MAST4: variants seen among roughly 807,000 people sequenced by gnomAD.
MAST4 encodes the protein microtubule associated serine/threonine kinase family member 4, also known as microtubule-associated serine/threonine-protein kinase 4.
MAST4 carries 89 observed loss-of-function variants against 162.7 expected under a neutral mutation model. The ratio of observed to expected loss-of-function variants is 0.55; its 90% CI spans 0.46 to 0.65. MAST4 has a LOEUF of 0.65. MAST4 is among the 30% of genes least tolerant of loss of function. The probability of loss-of-function intolerance (pLI) is 0.00; values close to 1 mark genes in which losing one functional copy is unlikely to be tolerated. For missense variants in MAST4, 3,153 were observed against 3,374.0 expected (o/e 0.93, Z 1.62); for synonymous variants, 1,479 against 1,361.1 (o/e 1.09, Z -1.91).
intron 4 of MAST4, among the ~76,000 whole-genome samples, chr5:67,032,124 C>T (rs1755410521): frequency 6.6e-6 from 1 of 152,100 alleles, no homozygotes; most frequent in African/African-American, 2.4e-5. Context: ...CTAAATCTTT[C>T]TGTGAATTAT....
At chr5:66,949,265 G>C (rs2150125326) in intron 4 of MAST4, among the ~76,000 whole-genome samples, 1 of 152,200 alleles carries the variant, frequency 6.6e-6, no homozygotes, top group Non-Finnish European at 1.5e-5. Context: ...CAATGATATG[G>C]TTTTGTCCTG....
intron 1 of MAST4, among the ~76,000 whole-genome samples, chr5:66,665,750 A>G (rs1396762099): frequency 7.2e-5 from 11 of 152,236 alleles, no homozygotes; most frequent in Non-Finnish European, 1.3e-4. Context: ...TGGGCAGATT[A>G]TGTAATCCTT....
intron 1 of MAST4, among the ~76,000 whole-genome samples, chr5:66,701,421 G>A (rs1295106749): frequency 6.6e-6 from 1 of 152,168 alleles, no homozygotes; most frequent in African/African-American, 2.4e-5. Context: ...ACAGAGAGGG[G>A]TCTGTAGCTC....
At chr5:66,840,328 G>A (rs1580606131) in intron 3 of MAST4, among the ~76,000 whole-genome samples, 1 of 151,948 alleles carries the variant, frequency 6.6e-6, no homozygotes, top group East Asian at 1.9e-4. Context: ...TAGCATCGTT[G>A]TGAATGAAGG....
At chr5:66,713,562 G>A (rs979977328) in intron 1 of MAST4, among the ~76,000 whole-genome samples, 2 of 152,134 alleles carry the variant, frequency 1.3e-5, no homozygotes, top group African/African-American at 4.8e-5. Context: ...TGAAGTTTGG[G>A]CTTGTTTACC....
intron 2 of MAST4, among the ~76,000 whole-genome samples, chr5:66,784,696 C>T (rs1309208881): frequency 7.2e-5 from 11 of 152,032 alleles, no homozygotes; most frequent in African/African-American, 1.7e-4. Flanking sequence ...ACCCAGTTAC[C>T]GTGTTTTATT....
intron 15 of MAST4, among the ~76,000 whole-genome samples, chr5:67,130,870 CT>C (rs1561694740): frequency 1.3e-5 from 2 of 152,022 alleles, no homozygotes; most frequent in African/African-American, 4.8e-5. Context: ...CGATTTTTAG[CT>C]TTTTTTTCTT....
intron 3 of MAST4, among the ~76,000 whole-genome samples, chr5:66,870,430 C>T (rs997711384): frequency 6.6e-6 from 1 of 152,132 alleles, no homozygotes; most frequent in Non-Finnish European, 1.5e-5. Flanking sequence ...ACTTCATATT[C>T]AGAGAAATCA....
At chr5:66,979,877 A>G (rs1437340093) in intron 4 of MAST4, among the ~76,000 whole-genome samples, 2 of 152,226 alleles carry the variant, frequency 1.3e-5, no homozygotes, top group African/African-American at 4.8e-5. Flanking sequence ...AATACATTTA[A>G]CTCAGAACTG....
intron 4 of MAST4, among the ~76,000 whole-genome samples, chr5:67,000,099 A>G (rs577952462): frequency 6.6e-6 from 1 of 152,324 alleles, no homozygotes; most frequent in South Asian, 2.1e-4. Context: ...TCTAGCCTCA[A>G]ACTCTCAAGA....
intron 5 of MAST4, among the ~76,000 whole-genome samples, chr5:67,079,835 C>G (rs1342621175): frequency 6.6e-6 from 1 of 152,180 alleles, no homozygotes; most frequent in Non-Finnish European, 1.5e-5. Context: ...TTTATCCTTA[C>G]CACCATGAAC....
intron 1 of MAST4, among the ~76,000 whole-genome samples, chr5:66,710,202 G>A (rs1261366733): frequency 6.6e-6 from 1 of 152,194 alleles, no homozygotes; most frequent in Non-Finnish European, 1.5e-5. Context: ...ACTGCATTGA[G>A]ATTCATCCTG....
At chr5:66,742,794 C>T (rs183041416) in intron 1 of MAST4, among the ~76,000 whole-genome samples, 13 of 152,228 alleles carry the variant, frequency 8.5e-5, no homozygotes, top group African/African-American at 3.1e-4. Flanking sequence ...TGTTTGGAGC[C>T]AGATCTTGTC....
intron 3 of MAST4, among the ~76,000 whole-genome samples, chr5:66,819,344 A>G (rs1479078872): frequency 6.6e-6 from 1 of 152,202 alleles, no homozygotes; most frequent in Non-Finnish European, 1.5e-5. Flanking sequence ...AAGTCACCAG[A>G]AGTGCTTGGC....
intron 3 of MAST4, among the ~76,000 whole-genome samples, chr5:66,859,361 A>G (rs1024390861): frequency 1.3e-5 from 2 of 152,104 alleles, no homozygotes; most frequent in Non-Finnish European, 2.9e-5. Context: ...ATACTATACT[A>G]CATGTAAGTA....
intron 1 of MAST4, among the ~76,000 whole-genome samples, chr5:66,750,408 C>T (rs535131552): frequency 2.6e-5 from 4 of 152,332 alleles, no homozygotes; most frequent in African/African-American, 4.8e-5. Flanking sequence ...CTAGGGAGTG[C>T]CAGACAGTGG....
At chr5:66,976,646 G>A (rs917254615) in intron 4 of MAST4, among the ~76,000 whole-genome samples, 1 of 152,242 alleles carries the variant, frequency 6.6e-6, no homozygotes, top group African/African-American at 2.4e-5. Flanking sequence ...GGAACCAGGA[G>A]ATAGAAGGGA....
rs1328763834 is a variant in MAST4, at chr5:67,151,723, T to C, written c.3296-914T>C. Among the ~76,000 whole-genome samples the C allele has an allele frequency of 4.6e-5, 7 of 152,018 alleles. No homozygotes were observed. The East Asian group carries it at 1.3e-3, about 29-fold the overall frequency. On this transcript the variant is annotated intron_variant, in intron 24 of 28. Transcript: ENST00000403625. ...ATAGAGAAGTCACCACTTCATTGTT[T>C]TCCTGATTAAAAATTCTTTCCTTTT... is the stretch of plus-strand genomic sequence containing the variant.
intron 3 of MAST4, among the ~76,000 whole-genome samples, chr5:66,817,155 CT>C (rs1756769595): frequency 1.3e-5 from 2 of 152,122 alleles, no homozygotes. Context: ...GGGACTGAGC[CT>C]TTTTCCTCTG....
Sources: gnomAD v4.1 joint callset for allele counts (sites outside exome capture counted in the v4.1 genomes callset) on GRCh38, gnomAD v4.1.1 for gene constraint, MANE v1.5 for transcripts, NCBI Gene and HGNC (gene_info 2026-07-23, HGNC 2026-07-21) for gene names.